LETM1: variants seen among roughly 807,000 people sequenced by gnomAD.
The protein encoded by LETM1 is mitochondrial proton/calcium exchanger protein.
In LETM1, 50 loss-of-function variants were observed where a neutral mutation model predicts 74.5. The observed-to-expected ratio is 0.67, with a 90% CI of 0.53 to 0.85. The LOEUF is 0.85. Ranked by LOEUF, LETM1 falls within the 40% of genes least tolerant of loss-of-function variation. The pLI, the probability that LETM1 is intolerant of heterozygous loss-of-function variation, is 0.00. For synonymous variants in LETM1, 446 were observed against 407.1 expected (o/e 1.10, Z -1.15); for missense variants, 824 against 967.8 (o/e 0.85, Z 1.97).
intron 5 of LETM1, 30 bp from the exon 6 acceptor site, chr4:1,832,977 G>A (rs376107216): frequency 6.2e-6 from 10 of 1,606,468 alleles, no homozygotes; most frequent in African/African-American, 2.7e-5. Flanking sequence ...GGTCATCCCC[G>A]GGACACGCGC....
chr4:1,841,689 C>T lies in LETM1; in HGVS notation c.252G>A (p.Ser84=), dbSNP rs148639369. 34 of 1,614,062 alleles carry T rather than the reference C, an allele frequency of 2.1e-5. No homozygotes were observed. Among genetic ancestry groups the T allele is most frequent in the South Asian group, 4.4e-5 (4 of 91,092 alleles). The change falls in exon 3 of 14, where the codon TCG becomes TCA. Residue 84 remains serine, a synonymous_variant. Coordinates refer to ENST00000302787, the MANE Select transcript of LETM1 (RefSeq NM_012318.3). The part of the protein sequence containing the change: ...ALRPECLRIV[S]RAPWTSTSVG... ...CAGAGGTAGAGGTCCATGGCGCTCT[C>T]GACACTATGCGAAGGCACTCGGGCC...
At chr4:1,825,436 C>T (rs1711949014) in intron 7 of LETM1, 128 bp downstream of exon 7, 1 of 1,161,408 alleles carries the variant, frequency 8.6e-7, no homozygotes, top group Admixed American at 2.3e-5. Flanking sequence ...CCTGGCCGTC[C>T]CCAGAGAGGT....
At chr4:1,828,173 G>A (rs1320751810) in intron 6 of LETM1, among the ~76,000 whole-genome samples, 1 of 123,410 alleles carries the variant, frequency 8.1e-6, no homozygotes, top group Non-Finnish European at 1.8e-5. Context: ...AGGGGCGGCC[G>A]GGCAGAGGCG....
At chr4:1,852,988 A>G (rs1187938309) in intron 1 of LETM1, among the ~76,000 whole-genome samples, 2 of 152,016 alleles carry the variant, frequency 1.3e-5, no homozygotes, top group African/African-American at 4.8e-5. Context: ...CTCCTGGGAG[A>G]GCCTCCCTAC....
Position 1,847,216 on chromosome 4 carries a change from C to T in LETM1, c.143+1933G>A, listed in dbSNP as rs1362328089. On this transcript the variant is annotated intron_variant, in intron 2 of 13. Transcript: ENST00000302787. ...ATTTAGCAAGGCATGTTGGTAATGCCTGTAGTCCCAGCTACTCAGGAGGCT... is the reference window on the plus strand; with the variant it reads ...ATTTAGCAAGGCATGTTGGTAATGCTTGTAGTCCCAGCTACTCAGGAGGCT... 2.0e-5 allele frequency among the ~76,000 whole-genome samples: 3 copies of T among 152,020 alleles called. No homozygotes were observed. The East Asian group carries it at 5.8e-4, about 29-fold the overall frequency.
chr4:1,840,103 C>T (rs967518868), intron 3 of LETM1, among the ~76,000 whole-genome samples: 1 of 152,248 alleles, frequency 6.6e-6, no homozygotes, highest in Non-Finnish European at 1.5e-5. Context: ...GGGGGCCAGG[C>T]ACAGTGGCCC....
intron 2 of LETM1, among the ~76,000 whole-genome samples, chr4:1,848,286 T>A (rs57663838): frequency 6.6e-6 from 1 of 151,944 alleles, no homozygotes; most frequent in South Asian, 2.1e-4. Flanking sequence ...CGGTGGCTCA[T>A]GCCTGTAATC....
Position 1,836,428 on chromosome 4 carries a change from C to T in LETM1, c.738+1G>A, listed in dbSNP as rs1209271939. The T allele has an allele frequency of 8.7e-6, 14 of 1,613,786 alleles. No individual in the cohort carries two copies. The Admixed American group carries it at 2.3e-4, about 27-fold the overall frequency. On this transcript the variant is annotated splice_donor_variant, in intron 4 of 13. Transcript: ENST00000302787. LOFTEE classifies it high-confidence loss of function. The surrounding 1 kb of genome is among the most constrained non-coding windows in gnomAD (Gnocchi z 5.8). The stretch of plus-strand genomic sequence containing the variant: ...ACAAGCAGTTGGGATGCTGCCCTTA[C>T]CTTGAGTGACTGAGTCTCAAATGTG...
In LETM1 at chr4:1,829,052, C is replaced by A. The variant is rs1239336454; in HGVS notation, c.1081-3369G>T. 2.5e-5 allele frequency among the ~76,000 whole-genome samples: 3 copies of A among 118,328 alleles called. 1 individual carries two copies. Among genetic ancestry groups the A allele is most frequent in the African/African-American group, 1.1e-4 (3 of 26,586 alleles). The allele number at this position is 118,328 out of a possible 152,430, so 77.6% of individuals were successfully genotyped here. A position where few individuals can be genotyped will look rare whatever the true frequency, so the allele number is the denominator to read the frequency against. The stretch of plus-strand genomic sequence containing the variant: ...GGCCGGGCGGGAGCTGACCCCCCCA[C>A]CTCCCTCCTGGACGGGGCGGCTGGC... On this transcript the variant is annotated intron_variant, in intron 6 of 13. Coordinates refer to ENST00000302787, the MANE Select transcript of LETM1 (RefSeq NM_012318.3).
chr4:1,833,007 G>A (rs960700882), intron 5 of LETM1, 60 bp from the exon 6 acceptor site: 54 of 1,472,456 alleles, frequency 3.7e-5, no homozygotes, highest in Middle Eastern at 2.4e-4. Context: ...TCCCTCCCAC[G>A]ACCAACCACA....
intron 10 of LETM1, among the ~76,000 whole-genome samples, chr4:1,821,943 G>C (rs180802050): frequency 6.6e-6 from 1 of 152,306 alleles, no homozygotes; most frequent in Admixed American, 6.5e-5. Flanking sequence ...CTAAGTTCAC[G>C]GCAGCGTCAG....
At chr4:1,843,403 G>A (rs1207131723) in intron 2 of LETM1, among the ~76,000 whole-genome samples, 1 of 152,242 alleles carries the variant, frequency 6.6e-6, no homozygotes, top group East Asian at 1.9e-4. Flanking sequence ...AGCCCAGAGA[G>A]GGCAGTGCGG....
chr4:1,835,077 A>C lies in LETM1; in HGVS notation c.739-95T>G, dbSNP rs193106888. ...GCCTGTGCCCGACCCCCACTCCCAG[A>C]AACATTTCACAACACACTGACTCTC... On this transcript the variant is annotated intron_variant, in intron 4 of 13. Coordinates refer to ENST00000302787, the MANE Select transcript of LETM1 (RefSeq NM_012318.3). 209 of 1,216,084 alleles carry C rather than the reference A, an allele frequency of 1.7e-4. No homozygotes were observed. In the East Asian group the frequency reaches 4.8e-3, roughly 28 times the overall value. The allele number at this position is 1,216,084 out of a possible 1,614,324, so 75.3% of individuals were successfully genotyped here.
intron 11 of LETM1, among the ~76,000 whole-genome samples, chr4:1,817,561 AAAC>A (rs1242041434): frequency 6.6e-6 from 1 of 152,196 alleles, no homozygotes; most frequent in East Asian, 1.9e-4. Context: ...ACCCTATCTC[AAAC>A]AACAACAAAA....
Position 1,855,964 on chromosome 4 carries a change from G to A in LETM1, c.-14C>T. On this transcript the variant is annotated 5_prime_UTR_variant, in exon 1 of 14. Transcript: ENST00000302787. ...GATGGACGCCATGTGCTCGGGCGCG[G>A]CGGCCGCTCCGGCCTCCTGCGCTGC... The A allele has an allele frequency of 8.3e-7, 1 of 1,210,950 alleles. No homozygotes were observed. The allele number at this position is 1,210,950 out of a possible 1,614,324, so 75.0% of individuals were successfully genotyped here.
At chr4:1,841,215 C>G in intron 3 of LETM1, 132 bp downstream of exon 3, 14 of 763,420 alleles carry the variant, frequency 1.8e-5, no homozygotes, top group Middle Eastern at 3.8e-4. Flanking sequence ...TGTGGTGGCA[C>G]ATGCCTGTGG....
intron 12 of LETM1, 42 bp downstream of exon 12, chr4:1,816,685 G>T: frequency 1.3e-6 from 2 of 1,586,406 alleles, no homozygotes; most frequent in Non-Finnish European, 1.7e-6. Flanking sequence ...GCCTCCCTAT[G>T]TGAGTCTCCG....
chr4:1,838,761 G>A (rs1230404602), intron 3 of LETM1, among the ~76,000 whole-genome samples: 1 of 152,164 alleles, frequency 6.6e-6, no homozygotes, highest in East Asian at 1.9e-4. Context: ...GGTGTTCTTG[G>A]GAGGAAAGGA....
At chr4:1,846,790 C>T (rs1482962080) in intron 2 of LETM1, among the ~76,000 whole-genome samples, 2 of 152,048 alleles carry the variant, frequency 1.3e-5, no homozygotes, top group Non-Finnish European at 2.9e-5. Context: ...GAAATGAAAC[C>T]ACCTCAGAAG....
Sources: gnomAD v4.1 joint callset for allele counts (sites outside exome capture counted in the v4.1 genomes callset) on GRCh38, gnomAD v4.1.1 for gene constraint, Gnocchi (gnomAD v3.1) non-coding constraint, MANE v1.5 for transcripts, NCBI Gene and HGNC (gene_info 2026-07-23, HGNC 2026-07-21) for gene names.